Variants in KCNQ5 observed in about 807,000 individuals in gnomAD.
KCNQ5 encodes the protein potassium voltage-gated channel subfamily KQT member 5.
Under a neutral mutation model 98.2 loss-of-function variants are expected in KCNQ5, and 30 were observed. The ratio of observed to expected loss-of-function variants is 0.31; its 90% CI spans 0.23 to 0.41. The LOEUF (loss-of-function observed/expected upper bound fraction) is 0.41. KCNQ5 is among the 10% of genes least tolerant of loss of function. The probability of loss-of-function intolerance (pLI) is 1.00; values close to 1 mark genes in which losing one functional copy is unlikely to be tolerated. For synonymous variants in KCNQ5, 458 were observed against 449.4 expected (o/e 1.02, Z -0.24); for missense variants, 835 against 1,182.5 (o/e 0.71, Z 4.31).
chr6:73,033,538 A>G (rs1394076969), intron 2 of KCNQ5, among the ~76,000 whole-genome samples: 1 of 152,182 alleles, frequency 6.6e-6, no homozygotes, highest in Non-Finnish European at 1.5e-5. Context: ...ATTTTGCTGG[A>G]GCTACTCAAA....
intron 1 of KCNQ5, among the ~76,000 whole-genome samples, chr6:72,805,756 A>AAGT (rs1160101353): frequency 3.9e-5 from 6 of 152,090 alleles, no homozygotes; most frequent in Non-Finnish European, 8.8e-5. Context: ...AGACTGCTTT[A>AAGT]AGTAGCATGA....
chr6:72,702,016 G>T (rs1056176528), intron 1 of KCNQ5, among the ~76,000 whole-genome samples: 2 of 151,950 alleles, frequency 1.3e-5, no homozygotes, highest in Admixed American at 1.3e-4. Flanking sequence ...AATTTTGTGG[G>T]CTGTTTTTTG....
intron 10 of KCNQ5, among the ~76,000 whole-genome samples, chr6:73,167,316 G>A (rs116644994): frequency 0.014 from 2,156 of 152,288 alleles, 38 homozygotes; most frequent in African/African-American, 0.049. Context: ...CAACACACAC[G>A]TGTAGTGAGC....
chr6:72,736,624 C>T (rs1220096077), intron 1 of KCNQ5, among the ~76,000 whole-genome samples: 2 of 146,638 alleles, frequency 1.4e-5, no homozygotes, highest in South Asian at 4.4e-4. Context: ...CTCAGCCTCC[C>T]AAGTAGCTGG....
intron 1 of KCNQ5, among the ~76,000 whole-genome samples, chr6:72,839,880 A>T (rs78874855): frequency 0.059 from 8,958 of 152,230 alleles, 521 homozygotes; most frequent in African/African-American, 0.15. Flanking sequence ...GTTGTGCCAT[A>T]GATCTCAAAA....
intron 1 of KCNQ5, among the ~76,000 whole-genome samples, chr6:72,805,110 T>G (rs1408738068): frequency 6.6e-6 from 1 of 152,132 alleles, no homozygotes; most frequent in East Asian, 1.9e-4. Flanking sequence ...TCCCATTCTG[T>G]GGGTTGTCTC....
chr6:73,140,254 C>T (rs1407904797), intron 10 of KCNQ5, among the ~76,000 whole-genome samples: 2 of 152,154 alleles, frequency 1.3e-5, no homozygotes, highest in Admixed American at 6.5e-5. Flanking sequence ...CTCTTTTATG[C>T]TTATTTTCCA....
intron 5 of KCNQ5, 143 bp downstream of exon 5, chr6:73,078,030 T>C (rs1477593365): frequency 4.6e-6 from 3 of 652,772 alleles, no homozygotes; most frequent in Non-Finnish European, 7.1e-6. Flanking sequence ...CTACTTATTA[T>C]TGTCTAAAGG....
chr6:73,048,484 G>T (rs998905079), intron 3 of KCNQ5, among the ~76,000 whole-genome samples: 8 of 152,158 alleles, frequency 5.3e-5, no homozygotes, highest in Non-Finnish European at 1.2e-4. Context: ...CTGAATCAAG[G>T]TTCCTTCTAA....
At position 72,829,174 on chromosome 6, in the gene KCNQ5, G is replaced by T. The variant is rs920926874; in HGVS notation, c.399-174734G>T. ...CTCTCATATATACCCTGCTCCAAGA[G>T]CCCCAATATGTGTCCTGTTCTGCAG... On this transcript the variant is annotated intron_variant, in intron 1 of 13. Coordinates refer to ENST00000370398, the MANE Select transcript of KCNQ5 (RefSeq NM_019842.4). 8.5e-5 allele frequency among the ~76,000 whole-genome samples: 13 copies of T among 152,112 alleles called. No individual in the cohort carries two copies. The East Asian group carries it at 1.9e-3, about 23-fold the overall frequency.
intron 1 of KCNQ5, among the ~76,000 whole-genome samples, chr6:72,852,381 G>T (rs1777297732): frequency 6.6e-6 from 1 of 151,050 alleles, no homozygotes; most frequent in African/African-American, 2.4e-5. Flanking sequence ...ATGGATGAAT[G>T]GATTTTTTTT....
intron 1 of KCNQ5, among the ~76,000 whole-genome samples, chr6:72,700,114 T>C (rs777282365): frequency 2.6e-5 from 4 of 152,228 alleles, no homozygotes; most frequent in African/African-American, 7.2e-5. Flanking sequence ...AAAAAAGTTA[T>C]ATGTTTTGTC....
chr6:72,938,012 A>G (rs968753483), intron 1 of KCNQ5, among the ~76,000 whole-genome samples: 3 of 152,198 alleles, frequency 2.0e-5, no homozygotes, highest in Non-Finnish European at 4.4e-5. Context: ...CATGTTCAAG[A>G]AGTATCACCC....
chr6:72,812,798 G>T (rs1302705277), intron 1 of KCNQ5, among the ~76,000 whole-genome samples: 1 of 152,112 alleles, frequency 6.6e-6, no homozygotes, highest in Non-Finnish European at 1.5e-5. Flanking sequence ...AAGGCTTTAA[G>T]AACAAGTGAC....
In KCNQ5 at chr6:73,024,381, T is replaced by TGATAGATAGATAGATAGATTA. The variant is rs1554198957; in HGVS notation, c.490-17536_490-17535insTAGATAGATAGATAGATAGAT. Among the ~76,000 whole-genome samples the TGATAGATAGATAGATAGATTA allele has an allele frequency of 3.4e-4, 41 of 120,654 alleles. No individual in the cohort carries two copies. In the East Asian group the frequency reaches 8.1e-3, roughly 24 times the overall value. The allele number at this position is 120,654 out of a possible 152,430, so 79.2% of individuals were successfully genotyped here. On this transcript the variant is annotated intron_variant, in intron 2 of 13. Coordinates refer to ENST00000370398, the MANE Select transcript of KCNQ5 (RefSeq NM_019842.4). ...TGAAAGCGATAGATAGATAGATAGA[T>TGATAGATAGATAGATAGATTA]GATAGATAGATAGATAGATAGATAG...
intron 1 of KCNQ5, among the ~76,000 whole-genome samples, chr6:72,705,251 A>G (rs1288479396): frequency 6.6e-6 from 1 of 152,176 alleles, no homozygotes; most frequent in Non-Finnish European, 1.5e-5. Flanking sequence ...GATATCCTGG[A>G]TCATTAGAAT....
chr6:72,718,454 T>TC (rs1769767038), intron 1 of KCNQ5, among the ~76,000 whole-genome samples: 1 of 136,806 alleles, frequency 7.3e-6, no homozygotes, highest in Non-Finnish European at 1.6e-5. Context: ...TCTTTTTTTT[T>TC]TTTTTTTTTT....
chr6:73,121,321 A>G (rs1298920606), intron 8 of KCNQ5, among the ~76,000 whole-genome samples: 1 of 151,256 alleles, frequency 6.6e-6, no homozygotes, highest in East Asian at 1.9e-4. Context: ...AATGATTACC[A>G]CAGAGATCTG....
intron 1 of KCNQ5, among the ~76,000 whole-genome samples, chr6:72,963,669 T>C (rs2098431747): frequency 6.6e-6 from 1 of 152,098 alleles, no homozygotes; most frequent in South Asian, 2.1e-4. Context: ...TTTATTTATT[T>C]ATTTATTTAT....
Sources: allele counts gnomAD v4.1 joint callset (sites outside exome capture counted in the v4.1 genomes callset), GRCh38; gene constraint gnomAD v4.1.1; transcripts MANE v1.5; gene names NCBI Gene and HGNC (gene_info 2026-07-23, HGNC 2026-07-21).